The following UBE2V1 variants were observed in gnomAD, a reference collection of about 807,000 sequenced individuals.
The protein encoded by UBE2V1 is ubiquitin-conjugating enzyme E2 variant 1.
In UBE2V1, 15 loss-of-function variants were observed where a neutral mutation model predicts 19.6. The observed-to-expected ratio is 0.77, with a 90% CI of 0.51 to 1.18. The LOEUF (loss-of-function observed/expected upper bound fraction) is 1.18. UBE2V1 is among the 50% of genes most tolerant of loss of function. The pLI is 0.00. For synonymous variants in UBE2V1, 60 were observed against 60.7 expected (o/e 0.99, Z 0.05); for missense variants, 125 against 184.8 (o/e 0.68, Z 1.88).
At chr20:50,110,244 C>A (rs1225577880) in intron 1 of UBE2V1, among the ~76,000 whole-genome samples, 1 of 152,216 alleles carries the variant, frequency 6.6e-6, no homozygotes, top group Non-Finnish European at 1.5e-5. Flanking sequence ...GAGGAAGTCA[C>A]CCGTCATAAC....
In UBE2V1 at chr20:50,082,709, T is replaced by A; in HGVS notation, c.*59A>T. 3 of 1,585,134 alleles carry A rather than the reference T, an allele frequency of 1.9e-6. No individual in the cohort carries two copies. The highest frequency in any genetic ancestry group is 2.6e-6 in the Non-Finnish European group (3 of 1,173,090). On this transcript the variant is annotated 3_prime_UTR_variant, in exon 4 of 4. Transcript: ENST00000371674. ...CTAGAAAATTTACTACTGTGGAAAA[T>A]GAAGACTGATTAAATCGAATTGGGG...
intron 1 of UBE2V1, among the ~76,000 whole-genome samples, chr20:50,105,920 G>A (rs1027846001): frequency 1.9e-4 from 28 of 150,744 alleles, no homozygotes; most frequent in African/African-American, 6.1e-4. Context: ...ACAGAGACTC[G>A]TCAAAAAAAA....
chr20:50,086,268 G>A (rs991299716), intron 2 of UBE2V1, among the ~76,000 whole-genome samples: 2 of 152,076 alleles, frequency 1.3e-5, no homozygotes, highest in Non-Finnish European at 2.9e-5. Flanking sequence ...AAGTGTTCCC[G>A]ATCCCCTCAG....
chr20:50,085,626 G>A (rs1228729341), intron 2 of UBE2V1, among the ~76,000 whole-genome samples: 2 of 152,156 alleles, frequency 1.3e-5, no homozygotes, highest in Non-Finnish European at 2.9e-5. Flanking sequence ...TTGCTCCCGT[G>A]TAAACAGCGG....
intron 2 of UBE2V1, among the ~76,000 whole-genome samples, chr20:50,090,113 T>C (rs1200978499): frequency 6.6e-6 from 1 of 152,260 alleles, no homozygotes; most frequent in Non-Finnish European, 1.5e-5. Context: ...GCAGTATCTC[T>C]GTGTTCTCAT....
chr20:50,083,752 C>T (rs753677688), intron 3 of UBE2V1: 24 of 158,252 alleles, frequency 1.5e-4, no homozygotes, highest in Non-Finnish European at 2.8e-4. Flanking sequence ...AAAGCAAGGC[C>T]ATTAAAGGAA....
chr20:50,113,795 G>A (rs77900872), upstream of UBE2V1, among the ~76,000 whole-genome samples: 6 of 93,906 alleles, frequency 6.4e-5, no homozygotes, highest in East Asian at 6.1e-4. Flanking sequence ...TCATTCATTC[G>A]TTCATTCATT....
At chr20:50,089,535 C>T (rs933757852) in intron 2 of UBE2V1, among the ~76,000 whole-genome samples, 2 of 152,190 alleles carry the variant, frequency 1.3e-5, no homozygotes, top group African/African-American at 4.8e-5. Context: ...AGGAAGCCAG[C>T]TGACAAAGGA....
At chr20:50,115,494 G>A, upstream of UBE2V1, 2 of 1,581,520 alleles carry the variant, frequency 1.3e-6, no homozygotes, top group Non-Finnish European at 1.7e-6. Flanking sequence ...CCTTTGCAGT[G>A]AAATTTTCTA....
intron 2 of UBE2V1, among the ~76,000 whole-genome samples, chr20:50,094,029 A>AAAATATATATAT (rs2079424779): frequency 5.1e-4 from 56 of 110,630 alleles, no homozygotes; most frequent in African/African-American, 2.3e-3. Context: ...TAATAATAAT[A>AAAATATATATAT]ATAAAATATA....
At chr20:50,111,946 C>A (rs900503969) in intron 1 of UBE2V1, among the ~76,000 whole-genome samples, 2 of 152,186 alleles carry the variant, frequency 1.3e-5, no homozygotes, top group Non-Finnish European at 2.9e-5. Flanking sequence ...TCTGAGAGAA[C>A]CTCCTTGGCC....
intron 2 of UBE2V1, among the ~76,000 whole-genome samples, chr20:50,087,791 G>A (rs1164922195): frequency 2.6e-5 from 4 of 152,198 alleles, no homozygotes; most frequent in South Asian, 2.1e-4. Flanking sequence ...ATGTCTCCTT[G>A]CAAGGGACTA....
In UBE2V1 at chr20:50,113,100, C is replaced by CG; in HGVS notation, c.22+6dup. 1 of 1,316,582 alleles carries CG rather than the reference C, an allele frequency of 7.6e-7. No homozygotes were observed. Among genetic ancestry groups the CG allele is most frequent in the East Asian group, 3.0e-5 (1 of 33,320 alleles). The allele number at this position is 1,316,582 out of a possible 1,614,324, so 81.6% of individuals were successfully genotyped here. A position where few individuals can be genotyped will look rare whatever the true frequency, so the allele number is the denominator to read the frequency against. On this transcript the variant is annotated splice_region_variant and intron_variant, in intron 1 of 3. Coordinates refer to ENST00000371674, the MANE Select transcript of UBE2V1 (RefSeq NM_001032288.3). Reference sequence around the variant, plus strand: ...CTCGGCCGGCCGGGCCCGGCGCCCCCGCTCACCCGAGCCCGTGGTGGCTGC... The same window carrying CG: ...CTCGGCCGGCCGGGCCCGGCGCCCCCGGCTCACCCGAGCCCGTGGTGGCTGC...
At chr20:50,091,004 C>T (rs990571410) in intron 2 of UBE2V1, among the ~76,000 whole-genome samples, 6 of 152,062 alleles carry the variant, frequency 3.9e-5, no homozygotes, top group African/African-American at 7.2e-5. Context: ...AGAGTTAAAG[C>T]GGGACTAAGT....
chr20:50,088,506 C>T (rs1281737518), intron 2 of UBE2V1, among the ~76,000 whole-genome samples: 1 of 152,140 alleles, frequency 6.6e-6, no homozygotes, highest in Non-Finnish European at 1.5e-5. Context: ...ATGAGCTAGG[C>T]TAGGCACGGT....
chr20:50,109,896 A>G (rs1170898712), intron 1 of UBE2V1, among the ~76,000 whole-genome samples: 1 of 152,224 alleles, frequency 6.6e-6, no homozygotes. Context: ...GCACTTAATT[A>G]CAATTGGCAT....
intron 2 of UBE2V1, among the ~76,000 whole-genome samples, chr20:50,085,547 TTCTCCGGCATCAGTACCC>T (rs1375021556): frequency 4.6e-5 from 7 of 151,958 alleles, no homozygotes; most frequent in Non-Finnish European, 8.8e-5. Flanking sequence ...CATCAGTGCC[TTCTCCGGCATCAGTACCC>T]TCTCCGGCAT....
chr20:50,104,492 C>T (rs1249470115), intron 1 of UBE2V1: 5 of 340,356 alleles, frequency 1.5e-5, no homozygotes, highest in Non-Finnish European at 2.1e-5. Flanking sequence ...CCCGTCTCTA[C>T]TAAAAATACA....
chr20:50,112,302 T>A (rs1337187657), intron 1 of UBE2V1, among the ~76,000 whole-genome samples: 1 of 152,088 alleles, frequency 6.6e-6, no homozygotes, highest in Non-Finnish European at 1.5e-5. Flanking sequence ...CCTCATCCAA[T>A]ATCAGAGGCT....
Sources: gnomAD v4.1 joint callset for allele counts (sites outside exome capture counted in the v4.1 genomes callset) on GRCh38, gnomAD v4.1.1 for gene constraint, MANE v1.5 for transcripts, NCBI Gene and HGNC (gene_info 2026-07-23, HGNC 2026-07-21) for gene names.